SPTB: variants seen among roughly 807,000 people sequenced by gnomAD.
SPTB encodes the protein spectrin beta chain, erythrocytic.
Under a neutral mutation model 256.2 loss-of-function variants are expected in SPTB, and 45 were observed. That is an observed-to-expected ratio of 0.18 (90% CI 0.14 to 0.23). SPTB has a LOEUF of 0.23. Ranked by LOEUF, SPTB falls within the 10% of genes least tolerant of loss-of-function variation. SPTB has a pLI of 1.00. For synonymous variants in SPTB, 1,231 were observed against 1,243.1 expected (o/e 0.99, Z 0.21); for missense variants, 2,715 against 3,040.4 (o/e 0.89, Z 2.52).
chr14:64,757,452 T>C (rs1347118780), intron 32 of SPTB: 2 of 152,266 alleles, frequency 1.3e-5, no homozygotes, highest in Non-Finnish European at 2.9e-5. Flanking sequence ...TCAAAAATTA[T>C]GTGGCCAGGT....
chr14:64,796,431 G>A lies in SPTB; in HGVS notation c.1341+126C>T, dbSNP rs935977020. On this transcript the variant is annotated intron_variant, in intron 11 of 35. Transcript: ENST00000644917. The surrounding 1 kb of genome is among the most constrained non-coding windows in gnomAD (Gnocchi z 4.1). ...TGCAAATCTTGATCCACTGGATCACGGGGGAGCTGTGCTGCAAGGCACGAG... is the reference window on the plus strand; with the variant it reads ...TGCAAATCTTGATCCACTGGATCACAGGGGAGCTGTGCTGCAAGGCACGAG... 1.8e-5 allele frequency: 22 copies of A among 1,241,280 alleles called. No individual in the cohort carries two copies. Among genetic ancestry groups the A allele is most frequent in the Non-Finnish European group, 1.9e-5 (16 of 855,624 alleles). The allele number at this position is 1,241,280 out of a possible 1,614,324, so 76.9% of individuals were successfully genotyped here.
intron 1 of SPTB, among the ~76,000 whole-genome samples, chr14:64,839,990 A>G (rs1486799508): frequency 6.6e-6 from 1 of 152,242 alleles, no homozygotes; most frequent in Non-Finnish European, 1.5e-5. Flanking sequence ...TATGTAAACA[A>G]TGTCTATCAG....
Position 64,801,396 on chromosome 14 carries a change from C to A in SPTB, c.652G>T (p.Asp218Tyr). 6.2e-7 allele frequency: 1 copy of A among 1,613,684 alleles called. No individual in the cohort carries two copies. The highest frequency in any genetic ancestry group is 8.5e-7 in the Non-Finnish European group (1 of 1,179,624). ...TTCAGCTTATCAAAGTCGATCAGGT[C>A]GGGCCTGGGGACAAAACTGGACTGT... The part of the protein sequence containing the change: ...FNALIHKHRP[D>Y]LIDFDKLKDS... Residue 218 changes from aspartate (D) to tyrosine (Y), a missense_variant, in exon 7 of 36, where the codon GAC becomes TAC. Physicochemically the swap from Asp to Tyr is radical, Grantham distance 160. This residue lies in a region of SPTB where 416 missense variants were observed against 571.1 expected (regional missense o/e 0.73). Coordinates refer to ENST00000644917, the MANE Select transcript of SPTB (RefSeq NM_001355436.2).
At chr14:64,752,154 G>A in intron 33 of SPTB, 3 of 1,323,590 alleles carry the variant, frequency 2.3e-6, no homozygotes, top group Non-Finnish European at 3.0e-6. Flanking sequence ...CAACTGGCAT[G>A]TTTGGTGAGG....
At position 64,805,205 on chromosome 14, in the gene SPTB, C is replaced by A. The variant is rs968100627; in HGVS notation, c.149-115G>T. 11 of 1,182,306 alleles carry A rather than the reference C, an allele frequency of 9.3e-6. No individual in the cohort carries two copies. The Admixed American group carries it at 1.5e-4, about 16-fold the overall frequency. 73.2% of individuals were successfully genotyped at this position (1,182,306 alleles called of 1,614,324 possible). On this transcript the variant is annotated intron_variant, in intron 2 of 35. Coordinates refer to ENST00000644917, the MANE Select transcript of SPTB (RefSeq NM_001355436.2). ...TACCCCCATGCTTGGCAGAGGAAGT[C>A]GATGTATTCATTCCACTCCCTTCCT... is the stretch of plus-strand genomic sequence containing the variant.
chr14:64,869,621 ATTTTTTTTT>A (rs11302191), intron 1 of SPTB, among the ~76,000 whole-genome samples: 11 of 139,508 alleles, frequency 7.9e-5, no homozygotes, highest in African/African-American at 3.0e-4. Flanking sequence ...GATTTTTTAA[ATTTTTTTTT>A]TTTTTTTTTG....
chr14:64,793,214 G>C lies in SPTB; in HGVS notation c.2449C>G (p.Pro817Ala), dbSNP rs2082706017. ...QGFPEEFRDS[P>A]DVTHRLQALR... ...GCCTGCAGCCGATGGGTCACATCTGGGGAATCCCGAAACTCTTCGGGGAAT... is the reference window on the plus strand; with the variant it reads ...GCCTGCAGCCGATGGGTCACATCTGCGGAATCCCGAAACTCTTCGGGGAAT... The change falls in exon 14 of 36, where the codon CCA (proline) becomes GCA (alanine). Residue 817 changes from proline to alanine, a missense_variant. Physicochemically the swap from Pro to Ala is conservative, Grantham distance 27 (BLOSUM62 -1). Around this residue, in one of 4 missense-constraint regions of SPTB, gnomAD observed 2,239 missense variants for 2,384.4 expected, o/e 0.94. Transcript: ENST00000644917. This position sits in a 1 kb window ranked among gnomAD's most constrained non-coding sequence, Gnocchi z 7.0. 6.2e-7 allele frequency: 1 copy of C among 1,611,876 alleles called. No individual in the cohort carries two copies. The highest frequency in any genetic ancestry group is 1.1e-5 in the South Asian group (1 of 91,082).
rs1179279852 is a variant in SPTB, at chr14:64,867,847, G to T, written c.-52+11945C>A. Among the ~76,000 whole-genome samples the T allele has an allele frequency of 2.9e-5, 4 of 139,072 alleles. No individual in the cohort carries two copies. In the Admixed American group the frequency reaches 2.9e-4, roughly 10 times the overall value. 91.2% of individuals were successfully genotyped at this position (139,072 alleles called of 152,430 possible). On this transcript the variant is annotated intron_variant, in intron 1 of 35. Transcript: ENST00000644917. ...CCAGCCCTCTGGCCTGGGCAACAGGGTGACTCTGTCTCAAAAAAAAAAAAA... is the reference window on the plus strand; with the variant it reads ...CCAGCCCTCTGGCCTGGGCAACAGGTTGACTCTGTCTCAAAAAAAAAAAAA...
chr14:64,769,083 C>G lies in SPTB; in HGVS notation c.5973G>C (p.Arg1991Ser). 1 of 1,613,862 alleles carries G rather than the reference C, an allele frequency of 6.2e-7. No individual in the cohort carries two copies. Among genetic ancestry groups the G allele is most frequent in the Non-Finnish European group, 8.5e-7 (1 of 1,180,026 alleles). ...CTTCCCACTTCTCATTCATCTCTTT[C>G]CTCCTGGACATCACCTGCTGCAGTT... The part of the protein sequence containing the change: ...REKLQQVMSR[R>S]KEMNEKWEAR... Residue 1991 changes from arginine to serine, a missense_variant, in exon 29 of 36, where the codon AGG (arginine) becomes AGC (serine). By Grantham distance (110) the Arg-to-Ser change is moderately radical. Around this residue, in one of 4 missense-constraint regions of SPTB, gnomAD observed 2,239 missense variants for 2,384.4 expected, o/e 0.94. Transcript: ENST00000644917.
At chr14:64,769,499 G>T in intron 28 of SPTB, 91 bp downstream of exon 28, 2 of 1,530,756 alleles carry the variant, frequency 1.3e-6, no homozygotes, top group Non-Finnish European at 1.8e-6. Flanking sequence ...CAGAAAAGCT[G>T]CAGCTCTCAT....
At chr14:64,803,512 C>G in intron 4 of SPTB, 95 bp downstream of exon 4, 1 of 1,506,194 alleles carries the variant, frequency 6.6e-7, no homozygotes, top group Non-Finnish European at 9.2e-7. Context: ...AGAATGTGCA[C>G]TAACACCCAC....
At position 64,766,747 on chromosome 14, in the gene SPTB, C is replaced by T. The variant is rs756164746; in HGVS notation, c.6324G>A (p.Ala2108=). The T allele has an allele frequency of 1.2e-5, 19 of 1,613,180 alleles. No individual in the cohort carries two copies. Among genetic ancestry groups the T allele is most frequent in the Non-Finnish European group, 1.4e-5 (17 of 1,179,934 alleles). The stretch of plus-strand genomic sequence containing the variant: ...TGACCGGGGACGTTCTCTCGGTGGC[C>T]GCATGGTGGGAAACTGGAGCCTCCC... ...TAGEAPVSHH[A]ATERTSPGEE... The change falls in exon 32 of 36, where the codon GCG becomes GCA. Residue 2108 remains alanine, a synonymous_variant. Transcript: ENST00000644917.
At chr14:64,784,453 C>T in intron 18 of SPTB, 60 bp from the exon 19 acceptor site, 1 of 1,602,862 alleles carries the variant, frequency 6.2e-7, no homozygotes, top group South Asian at 1.1e-5. Context: ...AGAGCAGAAC[C>T]TGCTGCCCAT....
chr14:64,753,950 AC>A, intron 32 of SPTB, 157 bp from the exon 33 acceptor site: 1 of 922,254 alleles, frequency 1.1e-6, no homozygotes, highest in Non-Finnish European at 1.7e-6. Flanking sequence ...CTCTCCCACA[AC>A]CTGCTATGGG....
intron 1 of SPTB, among the ~76,000 whole-genome samples, chr14:64,870,718 T>A (rs1227498312): frequency 6.6e-6 from 1 of 152,266 alleles, no homozygotes; most frequent in African/African-American, 2.4e-5. Context: ...TAAAATTGCA[T>A]GGACGGGTTC....
intron 23 of SPTB, 44 bp from the exon 24 acceptor site, chr14:64,774,571 T>C (rs1268316921): frequency 1.9e-6 from 3 of 1,550,884 alleles, no homozygotes; most frequent in Admixed American, 2.0e-5. Flanking sequence ...AGTCTGGCCA[T>C]GATCCCTCCC....
intron 1 of SPTB, among the ~76,000 whole-genome samples, chr14:64,859,764 A>G (rs1035383289): frequency 3.3e-5 from 5 of 152,124 alleles, no homozygotes; most frequent in African/African-American, 7.2e-5. Context: ...TGTATAAAAG[A>G]ATATGGAGGA....
Position 64,796,440 on chromosome 14 carries a change from G to C in SPTB, c.1341+117C>G, listed in dbSNP as rs1198740228. 44 of 1,366,788 alleles carry C rather than the reference G, an allele frequency of 3.2e-5. No individual in the cohort carries two copies. Among genetic ancestry groups the C allele is most frequent in the Non-Finnish European group, 2.1e-6 (2 of 966,028 alleles). The allele number at this position is 1,366,788 out of a possible 1,614,324, so 84.7% of individuals were successfully genotyped here. On this transcript the variant is annotated intron_variant, in intron 11 of 35. Transcript: ENST00000644917. The surrounding 1 kb of genome is among the most constrained non-coding windows in gnomAD (Gnocchi z 4.1). ...TGATCCACTGGATCACGGGGGAGCT[G>C]TGCTGCAAGGCACGAGGAGAGGCTG...
At chr14:64,820,656 G>C (rs907516952) in intron 2 of SPTB, among the ~76,000 whole-genome samples, 4 of 152,130 alleles carry the variant, frequency 2.6e-5, no homozygotes, top group Non-Finnish European at 4.4e-5. Context: ...GTCAGCAAAG[G>C]CTCTTTCCTG....
Sources: gnomAD v4.1 joint callset for allele counts (sites outside exome capture counted in the v4.1 genomes callset) on GRCh38, gnomAD v4.1.1 for gene constraint, gnomAD v4.1.1 regional missense constraint, Gnocchi (gnomAD v3.1) non-coding constraint, MANE v1.5 for transcripts, NCBI Gene and HGNC (gene_info 2026-07-23, HGNC 2026-07-21) for gene names.